PCDHA11: variants seen among roughly 807,000 people sequenced by gnomAD.
PCDHA11 encodes the protein protocadherin alpha-11.
Under a neutral mutation model 70.3 loss-of-function variants are expected in PCDHA11, and 61 were observed. That is an observed-to-expected ratio of 0.87 (90% CI 0.71 to 1.07). The LOEUF is 1.07. PCDHA11 is among the 50% of genes least tolerant of loss of function. PCDHA11 has a pLI of 0.00. For synonymous variants in PCDHA11, 633 were observed against 555.1 expected (o/e 1.14, Z -1.97); for missense variants, 1,324 against 1,237.5 (o/e 1.07, Z -1.05).
intron 1 of PCDHA11, among the ~76,000 whole-genome samples, chr5:140,874,443 C>G (rs1554167205): frequency 6.6e-6 from 1 of 152,208 alleles, no homozygotes; most frequent in Non-Finnish European, 1.5e-5. Context: ...GTCCTAACTA[C>G]TAAATGACCT....
chr5:140,985,739 C>CTTTTT (rs11372071), intron 3 of PCDHA11, among the ~76,000 whole-genome samples: 4 of 117,922 alleles, frequency 3.4e-5, no homozygotes, highest in East Asian at 2.5e-4. Flanking sequence ...TGATGAATTC[C>CTTTTT]TTTTTTTTTT....
intron 1 of PCDHA11, among the ~76,000 whole-genome samples, chr5:140,950,271 T>C (rs1202365274): frequency 6.6e-6 from 1 of 152,058 alleles, no homozygotes; most frequent in Non-Finnish European, 1.5e-5. Flanking sequence ...ATCCATAATG[T>C]CTTTTTGCTT....
At chr5:140,873,044 A>G (rs115529200) in intron 1 of PCDHA11, among the ~76,000 whole-genome samples, 15 of 152,172 alleles carry the variant, frequency 9.9e-5, no homozygotes, top group Non-Finnish European at 1.8e-4. Flanking sequence ...GAGTGGTGGT[A>G]TTACAGACTT....
chr5:140,910,652 T>C (rs2075120001), intron 1 of PCDHA11, among the ~76,000 whole-genome samples: 1 of 152,204 alleles, frequency 6.6e-6, no homozygotes, highest in Non-Finnish European at 1.5e-5. Flanking sequence ...TTTTGATCCC[T>C]TCCTCTACAT....
intron 3 of PCDHA11, among the ~76,000 whole-genome samples, chr5:140,997,109 G>A (rs1293025484): frequency 1.3e-5 from 2 of 152,022 alleles, no homozygotes; most frequent in Non-Finnish European, 2.9e-5. Flanking sequence ...ATGCACTCCT[G>A]CTCTCCCACA....
intron 1 of PCDHA11, among the ~76,000 whole-genome samples, chr5:140,921,954 C>A (rs970694644): frequency 2.0e-5 from 3 of 151,586 alleles, no homozygotes; most frequent in African/African-American, 7.3e-5. Context: ...TGTAAAATCC[C>A]AGAAAACCAA....
intron 3 of PCDHA11, among the ~76,000 whole-genome samples, chr5:141,000,396 T>TCTATAA (rs2097916207): frequency 7.7e-5 from 5 of 65,332 alleles, no homozygotes; most frequent in African/African-American, 3.1e-4. Context: ...TCTCTCTCTC[T>TCTATAA]ATATATATAT....
At chr5:140,969,552 T>A in intron 1 of PCDHA11, 1 of 1,234,382 alleles carries the variant, frequency 8.1e-7, no homozygotes, top group Non-Finnish European at 1.1e-6. Flanking sequence ...CATGAAGCCT[T>A]GTCCATAAAA....
At chr5:140,944,413 C>T (rs892243235) in intron 1 of PCDHA11, among the ~76,000 whole-genome samples, 3 of 152,292 alleles carry the variant, frequency 2.0e-5, no homozygotes, top group African/African-American at 7.2e-5. Context: ...TCTCGAACTC[C>T]TGATCTGAAG....
intron 3 of PCDHA11, among the ~76,000 whole-genome samples, chr5:141,007,324 A>G (rs35241677): frequency 0.053 from 8,037 of 150,420 alleles, 253 homozygotes; most frequent in South Asian, 0.11. Context: ...GCTAAAGTGG[A>G]CAGATTGCCT....
chr5:140,963,233 G>C (rs151988), intron 1 of PCDHA11, among the ~76,000 whole-genome samples: 50,230 of 151,972 alleles, frequency 0.33, 8,535 homozygotes, highest in East Asian at 0.53. Context: ...GACACTGTTT[G>C]ATGGATTAGG....
At chr5:140,876,004 T>A in intron 1 of PCDHA11, 1 of 1,613,866 alleles carries the variant, frequency 6.2e-7, no homozygotes, top group African/African-American at 1.3e-5. Context: ...AAATGAGAAT[T>A]TTGAGCTTAA....
chr5:140,901,146 C>T (rs1463079898), intron 1 of PCDHA11, among the ~76,000 whole-genome samples: 1 of 152,062 alleles, frequency 6.6e-6, no homozygotes, highest in Admixed American at 6.6e-5. Context: ...AATATTTTCT[C>T]TCAATCTGTG....
chr5:140,877,401 G>A, intron 1 of PCDHA11: 1 of 1,613,944 alleles, frequency 6.2e-7, no homozygotes. Context: ...CGGACGCTCC[G>A]CGCCACCGCC....
chr5:140,941,828 A>T (rs2093176954), intron 1 of PCDHA11, among the ~76,000 whole-genome samples: 1 of 152,218 alleles, frequency 6.6e-6, no homozygotes, highest in Non-Finnish European at 1.5e-5. Flanking sequence ...TGCTGTAAAT[A>T]ATTTAGGCTG....
In PCDHA11 at chr5:140,884,535, C is replaced by A. The variant is rs142468733; in HGVS notation, c.2391+13041C>A. 15 of 1,614,034 alleles carry A rather than the reference C, an allele frequency of 9.3e-6. No individual in the cohort carries two copies. The South Asian group carries it at 1.5e-4, about 17-fold the overall frequency. ...TGGTCGTACTCGCAGCAGAGGCGGCCGAGGGTGTGCTCTGGGGAGGGCCCG... is the reference window on the plus strand; with the variant it reads ...TGGTCGTACTCGCAGCAGAGGCGGCAGAGGGTGTGCTCTGGGGAGGGCCCG... On this transcript the variant is annotated intron_variant, in intron 1 of 3. Transcript: ENST00000398640.
intron 1 of PCDHA11, among the ~76,000 whole-genome samples, chr5:140,971,749 CAT>C (rs143190557): frequency 0.047 from 7,111 of 152,104 alleles, 190 homozygotes; most frequent in Non-Finnish European, 0.062. Context: ...ACATATATCT[CAT>C]ATTACTGAAT....
chr5:140,928,942 T>C lies in PCDHA11; in HGVS notation c.2392-50007T>C. The stretch of plus-strand genomic sequence containing the variant: ...GCAGCTTTCTGCCCAGAACTTGTAT[T>C]TAGTAATTGCCTTGGCTTGTATTTC... On this transcript the variant is annotated intron_variant, in intron 1 of 3. Transcript: ENST00000398640. 4 of 1,614,060 alleles carry C rather than the reference T, an allele frequency of 2.5e-6. No individual in the cohort carries two copies. The South Asian group carries it at 4.4e-5, about 18-fold the overall frequency.
At chr5:141,005,956 A>G (rs1272905916) in intron 3 of PCDHA11, among the ~76,000 whole-genome samples, 2 of 152,020 alleles carry the variant, frequency 1.3e-5, no homozygotes, top group Admixed American at 1.3e-4. Flanking sequence ...CTAACAAACA[A>G]CAATAAAAAA....
Sources: allele counts gnomAD v4.1 joint callset (sites outside exome capture counted in the v4.1 genomes callset), GRCh38; gene constraint gnomAD v4.1.1; transcripts MANE v1.5; gene names NCBI Gene and HGNC (gene_info 2026-07-23, HGNC 2026-07-21).